Variants in PDS5A observed in about 807,000 individuals in gnomAD.
PDS5A encodes the protein sister chromatid cohesion protein PDS5 homolog A.
Under a neutral mutation model 167.1 loss-of-function variants are expected in PDS5A, and 42 were observed. The ratio of observed to expected loss-of-function variants is 0.25; its 90% CI spans 0.20 to 0.33. The LOEUF (loss-of-function observed/expected upper bound fraction) is 0.33, where lower values mean the gene tolerates loss of function less well. Ranked by LOEUF, PDS5A falls within the 10% of genes least tolerant of loss-of-function variation. The pLI is 1.00. For synonymous variants in PDS5A, 553 were observed against 554.6 expected (o/e 1.00, Z 0.04); for missense variants, 1,033 against 1,605.9 (o/e 0.64, Z 6.10).
chr4:39,929,475 G>T (rs952521607), intron 2 of PDS5A, among the ~76,000 whole-genome samples: 1 of 143,066 alleles, frequency 7.0e-6, no homozygotes, highest in Non-Finnish European at 1.5e-5. Flanking sequence ...TTCTCAGCTT[G>T]CAGATAGCCT....
chr4:39,891,099 T>C (rs1316849633), intron 16 of PDS5A, among the ~76,000 whole-genome samples: 1 of 151,650 alleles, frequency 6.6e-6, no homozygotes, highest in African/African-American at 2.4e-5. Flanking sequence ...AATGGTGCAA[T>C]CTTGGCTCAC....
chr4:39,857,194 T>A, intron 26 of PDS5A, among the ~76,000 whole-genome samples: 1 of 150,604 alleles, frequency 6.6e-6, no homozygotes. Context: ...CTACTGAAAA[T>A]ACAAAAAATT....
chr4:39,853,104 A>G (rs1718252914), intron 26 of PDS5A, among the ~76,000 whole-genome samples: 1 of 152,182 alleles, frequency 6.6e-6, no homozygotes, highest in South Asian at 2.1e-4. Flanking sequence ...ACACCAAGCC[A>G]ATTCAAAAAA....
intron 11 of PDS5A, 145 bp from the exon 12 acceptor site, chr4:39,904,336 A>G (rs921855113): frequency 2.1e-6 from 1 of 475,040 alleles, no homozygotes; most frequent in African/African-American, 2.0e-5. Context: ...GAGGCTTTAC[A>G]AACAATTTTA....
intron 7 of PDS5A, among the ~76,000 whole-genome samples, chr4:39,918,182 CA>C (rs11447119): frequency 2.1e-3 from 183 of 88,584 alleles, no homozygotes; most frequent in Middle Eastern, 7.5e-3. Context: ...GACCCTGTCT[CA>C]AAAAAAAAAA....
At chr4:39,852,153 C>T (rs1718171459) in intron 26 of PDS5A, among the ~76,000 whole-genome samples, 1 of 152,132 alleles carries the variant, frequency 6.6e-6, no homozygotes. Flanking sequence ...TGCTATCTAA[C>T]ATGAACCAAT....
chr4:39,933,273 A>C (rs1335001042), intron 2 of PDS5A: 1 of 152,162 alleles, frequency 6.6e-6, no homozygotes, highest in Non-Finnish European at 1.5e-5. Context: ...GTGTGCTATC[A>C]AAAGTATGTA....
chr4:39,944,591 G>C (rs1727564459), intron 2 of PDS5A, among the ~76,000 whole-genome samples: 1 of 151,810 alleles, frequency 6.6e-6, no homozygotes, highest in African/African-American at 2.4e-5. Flanking sequence ...CTACTCGGGA[G>C]GCTGAGGTAG....
Position 39,882,485 on chromosome 4 carries a change from C to A in PDS5A, c.1887-2652G>T, listed in dbSNP as rs558860191. On this transcript the variant is annotated intron_variant, in intron 17 of 32. Transcript: ENST00000303538. ...TTTGAGAAAATAATTCCAAATTGAGCTTTTTATTAAGAAATCCTAGTCAAC... is the reference window on the plus strand; with the variant it reads ...TTTGAGAAAATAATTCCAAATTGAGATTTTTATTAAGAAATCCTAGTCAAC... 2.0e-5 allele frequency among the ~76,000 whole-genome samples: 3 copies of A among 152,228 alleles called. No homozygotes were observed. In the South Asian group the frequency reaches 6.2e-4, roughly 32 times the overall value.
chr4:39,955,132 C>T (rs138585318), intron 2 of PDS5A, among the ~76,000 whole-genome samples: 1 of 151,934 alleles, frequency 6.6e-6, no homozygotes, highest in Non-Finnish European at 1.5e-5. Flanking sequence ...CCTGGCCAAA[C>T]AAGAAAAGCC....
chr4:39,829,551 G>A (rs1484280341), intron 32 of PDS5A, among the ~76,000 whole-genome samples: 3 of 151,788 alleles, frequency 2.0e-5, no homozygotes, highest in African/African-American at 7.3e-5. Flanking sequence ...GGAGGCTGAA[G>A]CAGAAAAATT....
intron 2 of PDS5A, among the ~76,000 whole-genome samples, chr4:39,936,250 C>T (rs1296906740): frequency 6.6e-6 from 1 of 152,106 alleles, no homozygotes; most frequent in Non-Finnish European, 1.5e-5. Flanking sequence ...CACTACCCAC[C>T]TTAGCGCAGA....
chr4:39,962,267 A>T (rs898102534), intron 2 of PDS5A, among the ~76,000 whole-genome samples: 1 of 151,682 alleles, frequency 6.6e-6, no homozygotes, highest in Admixed American at 6.6e-5. Context: ...TGTGTTAGCC[A>T]GGATGGTCTT....
At chr4:39,939,382 G>A (rs1014601684) in intron 2 of PDS5A, among the ~76,000 whole-genome samples, 5 of 152,090 alleles carry the variant, frequency 3.3e-5, no homozygotes, top group Non-Finnish European at 1.5e-5. Flanking sequence ...TGGGAGGATC[G>A]CTTGAACCTA....
chr4:39,869,258 C>T, intron 22 of PDS5A, 136 bp downstream of exon 22: 1 of 663,854 alleles, frequency 1.5e-6, no homozygotes, highest in African/African-American at 1.8e-5. Context: ...ATCAGCTGAG[C>T]CCAGGAGTTC....
intron 11 of PDS5A, among the ~76,000 whole-genome samples, chr4:39,904,697 CT>C (rs1374993412): frequency 6.6e-6 from 1 of 152,156 alleles, no homozygotes; most frequent in Non-Finnish European, 1.5e-5. Context: ...AAATGATCTA[CT>C]TTTTTCTTTT....
At chr4:39,971,446 G>A (rs907585289) in intron 2 of PDS5A, among the ~76,000 whole-genome samples, 3 of 151,504 alleles carry the variant, frequency 2.0e-5, no homozygotes, top group African/African-American at 4.9e-5. Flanking sequence ...GTGAGCCACC[G>A]CACCGGGCCT....
chr4:39,917,584 T>TC (rs1196322746), intron 7 of PDS5A, among the ~76,000 whole-genome samples: 7 of 152,184 alleles, frequency 4.6e-5, no homozygotes, highest in Non-Finnish European at 1.0e-4. Flanking sequence ...ATTTTTTTTT[T>TC]CTTTTTATGA....
chr4:39,903,540 T>TA (rs1244939938), intron 12 of PDS5A, among the ~76,000 whole-genome samples: 3 of 152,216 alleles, frequency 2.0e-5, no homozygotes, highest in African/African-American at 7.2e-5. Flanking sequence ...GAAAACAACT[T>TA]AGTAATTCCT....
Sources: allele counts gnomAD v4.1 joint callset (sites outside exome capture counted in the v4.1 genomes callset), GRCh38; gene constraint gnomAD v4.1.1; transcripts MANE v1.5; gene names NCBI Gene and HGNC (gene_info 2026-07-23, HGNC 2026-07-21).